Variants in MRPS6 observed in about 807,000 individuals in gnomAD.
The protein encoded by MRPS6 is mitochondrial ribosomal protein S6, also known as small ribosomal subunit protein bS6m.
Under a neutral mutation model 13.1 loss-of-function variants are expected in MRPS6, and 6 were observed. That is an observed-to-expected ratio of 0.46 (90% CI 0.25 to 0.91). The LOEUF (loss-of-function observed/expected upper bound fraction) is 0.91, where lower values mean the gene tolerates loss of function less well. Ranked by LOEUF, MRPS6 falls within the 40% of genes least tolerant of loss-of-function variation. The pLI is 0.18. For missense variants in MRPS6, 164 were observed against 155.6 expected, an observed-to-expected ratio of 1.05 and a Z score of -0.29; for synonymous variants, 61 against 56.5, an observed-to-expected ratio of 1.08 and a Z score of -0.36.
chr21:34,096,579 T>C lies in MRPS6; in HGVS notation c.45+22834T>C. On this transcript the variant is annotated intron_variant, in intron 1 of 2. Coordinates refer to ENST00000399312, the MANE Select transcript of MRPS6 (RefSeq NM_032476.4). This position sits in a 1 kb window ranked among gnomAD's most constrained non-coding sequence, Gnocchi z 5.9. Reference sequence around the variant, plus strand: ...GGCAGCCTTGTTCCTGCTGGCAATTTTCTGGAAGCGCTGCAATGAACAAGG... The same window carrying C: ...GGCAGCCTTGTTCCTGCTGGCAATTCTCTGGAAGCGCTGCAATGAACAAGG... 1 of 1,614,080 alleles carries C rather than the reference T, an allele frequency of 6.2e-7. No homozygotes were observed. The highest frequency in any genetic ancestry group is 1.1e-5 in the South Asian group (1 of 91,086).
intron 1 of MRPS6, among the ~76,000 whole-genome samples, chr21:34,084,827 C>A (rs1989535336): frequency 6.6e-6 from 1 of 152,170 alleles, no homozygotes; most frequent in Admixed American, 6.5e-5. Context: ...CCTTGGCTAA[C>A]ATGACTAAAA....
At chr21:34,132,718 C>G (rs1026801268) in intron 2 of MRPS6, among the ~76,000 whole-genome samples, 8 of 152,174 alleles carry the variant, frequency 5.3e-5, no homozygotes, top group African/African-American at 1.9e-4. Flanking sequence ...ATCAGTTCCC[C>G]TCTGGGCTTC....
At chr21:34,103,318 A>G in intron 1 of MRPS6, 3 of 956,000 alleles carry the variant, frequency 3.1e-6, no homozygotes. Context: ...AAGGAAGTAA[A>G]AAAAAAAAAA....
intron 1 of MRPS6, chr21:34,098,963 T>A (rs1278230845): frequency 1.8e-5 from 18 of 987,084 alleles, no homozygotes; most frequent in Non-Finnish European, 6.1e-6. Flanking sequence ...CTTTCATAAA[T>A]ACTTTTGTAG....
intron 1 of MRPS6, among the ~76,000 whole-genome samples, chr21:34,087,161 A>G (rs967325910): frequency 1.3e-5 from 2 of 152,172 alleles, no homozygotes; most frequent in Admixed American, 6.5e-5. Flanking sequence ...TTTTATCTGA[A>G]TGAACATATT....
intron 2 of MRPS6, among the ~76,000 whole-genome samples, chr21:34,126,170 T>C (rs1376712554): frequency 6.6e-6 from 1 of 152,214 alleles, no homozygotes; most frequent in East Asian, 1.9e-4. Flanking sequence ...GTCAGCTCTC[T>C]CTGGCACTCA....
At chr21:34,127,538 A>G (rs1280361690) in intron 2 of MRPS6, among the ~76,000 whole-genome samples, 2 of 152,226 alleles carry the variant, frequency 1.3e-5, no homozygotes, top group African/African-American at 4.8e-5. Flanking sequence ...TTTTATTTCT[A>G]TAATACTCGT....
At chr21:34,099,043 G>C in intron 1 of MRPS6, 1 of 990,434 alleles carries the variant, frequency 1.0e-6, no homozygotes, top group Non-Finnish European at 1.2e-6. Flanking sequence ...TGATGGACTT[G>C]ATTAGTCCAA....
intron 1 of MRPS6, among the ~76,000 whole-genome samples, chr21:34,120,069 C>T (rs527346674): frequency 8.5e-5 from 13 of 152,308 alleles, no homozygotes; most frequent in East Asian, 5.8e-4. Context: ...ACAGCTGGTA[C>T]GTTAGCATGA....
chr21:34,077,034 A>AG (rs1989348382), intron 1 of MRPS6, among the ~76,000 whole-genome samples: 1 of 152,188 alleles, frequency 6.6e-6, no homozygotes, highest in Non-Finnish European at 1.5e-5. Context: ...TGAGATGGTG[A>AG]GGTCTATATC....
At chr21:34,120,891 G>T (rs184881659) in intron 1 of MRPS6, among the ~76,000 whole-genome samples, 1 of 152,262 alleles carries the variant, frequency 6.6e-6, no homozygotes, top group East Asian at 1.9e-4. Context: ...GAGCTTTGTT[G>T]TATATGAAAA....
intron 2 of MRPS6, among the ~76,000 whole-genome samples, chr21:34,132,949 A>T (rs1449117137): frequency 6.6e-6 from 1 of 152,156 alleles, no homozygotes; most frequent in Non-Finnish European, 1.5e-5. Flanking sequence ...TCTTAACTAC[A>T]TTAAATTGTA....
intron 1 of MRPS6, chr21:34,102,837 T>G (rs1328671620): frequency 2.0e-6 from 2 of 1,000,060 alleles, no homozygotes; most frequent in Non-Finnish European, 2.4e-6. Flanking sequence ...ACTTCTAGGT[T>G]GTTTACATTC....
chr21:34,137,484 C>A (rs1980749026), intron 2 of MRPS6, among the ~76,000 whole-genome samples: 1 of 152,110 alleles, frequency 6.6e-6, no homozygotes, highest in South Asian at 2.1e-4. Context: ...CTCATTAGTT[C>A]TATTTTTTTT....
intron 1 of MRPS6, among the ~76,000 whole-genome samples, chr21:34,117,782 G>A (rs958341146): frequency 5.3e-5 from 8 of 152,236 alleles, no homozygotes; most frequent in Middle Eastern, 3.4e-3. Context: ...GTGTCAGGAT[G>A]TATGTATCTC....
intron 1 of MRPS6, chr21:34,098,981 A>G (rs539773175): frequency 6.7e-4 from 658 of 989,166 alleles, no homozygotes; most frequent in Middle Eastern, 3.2e-3. Flanking sequence ...TAGATTTTGA[A>G]TCAAAACTCA....
chr21:34,137,309 A>G (rs975373699), intron 2 of MRPS6, among the ~76,000 whole-genome samples: 1 of 152,208 alleles, frequency 6.6e-6, no homozygotes. Flanking sequence ...TTACCCGTGA[A>G]CAAGATATAC....
At chr21:34,093,234 T>C (rs79048880) in intron 1 of MRPS6, among the ~76,000 whole-genome samples, 3,247 of 151,288 alleles carry the variant, frequency 0.021, 123 homozygotes, top group African/African-American at 0.074. Context: ...CCTCAACTTT[T>C]AAGATTTTTT....
chr21:34,125,114 C>A, intron 1 of MRPS6: 3 of 631,154 alleles, frequency 4.8e-6, no homozygotes, highest in Non-Finnish European at 7.2e-6. Flanking sequence ...CTCTCCGAAG[C>A]CTGGTTCTTC....
Sources: allele counts gnomAD v4.1 joint callset (sites outside exome capture counted in the v4.1 genomes callset), GRCh38; gene constraint gnomAD v4.1.1; non-coding constraint Gnocchi (gnomAD v3.1); transcripts MANE v1.5; gene names NCBI Gene and HGNC (gene_info 2026-07-23, HGNC 2026-07-21).